Variants in SKI observed in about 807,000 individuals in gnomAD.
SKI encodes ski oncogene.
Under a neutral mutation model 59.3 loss-of-function variants are expected in SKI, and 23 were observed. The observed-to-expected ratio is 0.39, with a 90% CI of 0.28 to 0.55. SKI has a LOEUF of 0.55. SKI is among the 20% of genes least tolerant of loss of function. The pLI is 0.67. For missense variants in SKI, 1,017 were observed against 1,038.9 expected, an observed-to-expected ratio of 0.98 and a Z score of 0.29; for synonymous variants, 673 against 488.6, an observed-to-expected ratio of 1.38 and a Z score of -4.98.
intron 1 of SKI, 120 bp from the exon 2 acceptor site, chr1:2,302,858 T>G (rs1640459313): frequency 7.3e-7 from 1 of 1,365,042 alleles, no homozygotes; most frequent in African/African-American, 1.4e-5. Context: ...TCTGCGCCAC[T>G]CAGGGTCGTT....
chr1:2,260,478 T>C (rs1315407546), intron 1 of SKI, among the ~76,000 whole-genome samples: 1 of 151,700 alleles, frequency 6.6e-6, no homozygotes, highest in Non-Finnish European at 1.5e-5. Context: ...ACGGTGTTTT[T>C]TGAAGAGTAG....
intron 1 of SKI, among the ~76,000 whole-genome samples, chr1:2,274,835 T>A (rs887003460): frequency 6.6e-6 from 1 of 152,160 alleles, no homozygotes; most frequent in African/African-American, 2.4e-5. Context: ...GCTGCAGTCA[T>A]CTTCAGTCAC....
chr1:2,247,724 C>G (rs893224225), intron 1 of SKI, among the ~76,000 whole-genome samples: 54 of 152,378 alleles, frequency 3.5e-4, no homozygotes, highest in Non-Finnish European at 6.6e-4. Flanking sequence ...AGCCCAGGGC[C>G]TGCTCCTGGC....
intron 1 of SKI, among the ~76,000 whole-genome samples, chr1:2,299,786 C>T (rs1640379003): frequency 6.6e-6 from 1 of 152,216 alleles, no homozygotes; most frequent in Non-Finnish European, 1.5e-5. Context: ...GTCCCCAAGG[C>T]CTTCTCAATG....
intron 1 of SKI, among the ~76,000 whole-genome samples, chr1:2,277,654 G>T (rs563821307): frequency 2.0e-5 from 3 of 152,048 alleles, no homozygotes; most frequent in Non-Finnish European, 4.4e-5. Flanking sequence ...TCAGCACTGT[G>T]GGCGCACACA....
chr1:2,237,342 C>T (rs1007792651), intron 1 of SKI, among the ~76,000 whole-genome samples: 1 of 152,214 alleles, frequency 6.6e-6, no homozygotes, highest in African/African-American at 2.4e-5. Context: ...CTGCGGTGCT[C>T]CTGGCTGCTG....
At chr1:2,253,553 G>A (rs1639209536) in intron 1 of SKI, among the ~76,000 whole-genome samples, 1 of 152,248 alleles carries the variant, frequency 6.6e-6, no homozygotes, top group African/African-American at 2.4e-5. Context: ...CTGCACATAT[G>A]CCCTGTCTCA....
At chr1:2,257,757 A>T (rs12136830) in intron 1 of SKI, among the ~76,000 whole-genome samples, 51,342 of 151,836 alleles carry the variant, frequency 0.34, 9,167 homozygotes, top group Admixed American at 0.44. Flanking sequence ...TTTATTTTTG[A>T]GGTGGAACTT....
At chr1:2,243,476 G>T (rs1330622923) in intron 1 of SKI, among the ~76,000 whole-genome samples, 1 of 152,220 alleles carries the variant, frequency 6.6e-6, no homozygotes, top group African/African-American at 2.4e-5. Context: ...CCGAGTGCCT[G>T]TCACTCTGGC....
At chr1:2,277,819 C>T (rs938986516) in intron 1 of SKI, among the ~76,000 whole-genome samples, 1 of 143,992 alleles carries the variant, frequency 6.9e-6, no homozygotes, top group Admixed American at 7.0e-5. Flanking sequence ...CACTCACGCA[C>T]ACACCTGCAC....
intron 1 of SKI, among the ~76,000 whole-genome samples, chr1:2,244,403 C>A (rs911961439): frequency 2.6e-5 from 4 of 152,090 alleles, no homozygotes; most frequent in African/African-American, 9.7e-5. Flanking sequence ...CATGGTGACA[C>A]CATGTTTCTA....
intron 1 of SKI, among the ~76,000 whole-genome samples, chr1:2,256,881 T>C (rs572261536): frequency 6.6e-6 from 1 of 152,150 alleles, no homozygotes; most frequent in Non-Finnish European, 1.5e-5. Flanking sequence ...TATTGGGCCC[T>C]TGTCAGGTTT....
At chr1:2,289,707 C>T (rs997941617) in intron 1 of SKI, among the ~76,000 whole-genome samples, 42 of 152,202 alleles carry the variant, frequency 2.8e-4, no homozygotes, top group African/African-American at 9.4e-4. Flanking sequence ...GCTTCTTGTC[C>T]AGCCTTTTGA....
Position 2,268,767 on chromosome 1 carries a change from G to A in SKI, c.970-34211G>A, listed in dbSNP as rs920504589. ...AGAGGCCATGACAGGAGTGGGTGTG[G>A]GGACTGGTGGGGACAGCGACTGTGC... On this transcript the variant is annotated intron_variant, in intron 1 of 6. Coordinates refer to ENST00000378536, the MANE Select transcript of SKI (RefSeq NM_003036.4). This position sits in a 1 kb window ranked among gnomAD's most constrained non-coding sequence, Gnocchi z 5.0. Among the ~76,000 whole-genome samples, 1 of 152,184 alleles carries A rather than the reference G, an allele frequency of 6.6e-6. No homozygotes were observed. The highest frequency in any genetic ancestry group is 1.5e-5 in the Non-Finnish European group (1 of 68,030).
At chr1:2,283,306 G>A (rs1639954451) in intron 1 of SKI, among the ~76,000 whole-genome samples, 1 of 152,234 alleles carries the variant, frequency 6.6e-6, no homozygotes, top group Non-Finnish European at 1.5e-5. Flanking sequence ...TGCTGGCCCA[G>A]GGCCTGTCCA....
chr1:2,246,858 G>GC (rs1336348297), intron 1 of SKI, among the ~76,000 whole-genome samples: 43 of 152,164 alleles, frequency 2.8e-4, no homozygotes, highest in Middle Eastern at 3.4e-3. Context: ...CCTGATGGGG[G>GC]GGGCCTCAGG....
intron 1 of SKI, among the ~76,000 whole-genome samples, chr1:2,258,815 G>C (rs1334691067): frequency 1.3e-5 from 2 of 152,130 alleles, no homozygotes; most frequent in African/African-American, 4.8e-5. Flanking sequence ...CCAAAGTGCT[G>C]GGATTACAGG....
At chr1:2,255,178 C>T (rs1557822919) in intron 1 of SKI, among the ~76,000 whole-genome samples, 1 of 152,186 alleles carries the variant, frequency 6.6e-6, no homozygotes, top group Non-Finnish European at 1.5e-5. Flanking sequence ...TTTCCACAGG[C>T]AGGGACGCTC....
chr1:2,230,733 C>T (rs1412581571), intron 1 of SKI, among the ~76,000 whole-genome samples: 4 of 152,150 alleles, frequency 2.6e-5, no homozygotes, highest in South Asian at 2.1e-4. Context: ...TTTAAATATC[C>T]AGGCTTATTA....
Sources: gnomAD v4.1 joint callset for allele counts (sites outside exome capture counted in the v4.1 genomes callset) on GRCh38, gnomAD v4.1.1 for gene constraint, Gnocchi (gnomAD v3.1) non-coding constraint, MANE v1.5 for transcripts, NCBI Gene and HGNC (gene_info 2026-07-23, HGNC 2026-07-21) for gene names.